EPHA6: variants seen among roughly 807,000 people sequenced by gnomAD.
The protein encoded by EPHA6 is EPH receptor A6.
EPHA6 carries 50 observed loss-of-function variants against 112.0 expected under a neutral mutation model. The ratio of observed to expected loss-of-function variants is 0.45; its 90% CI spans 0.36 to 0.56. The LOEUF is 0.56. Ranked by LOEUF, EPHA6 falls within the 20% of genes least tolerant of loss-of-function variation. The pLI, the probability that EPHA6 is intolerant of heterozygous loss-of-function variation, is 0.00. For missense variants in EPHA6, 1,280 were observed against 1,417.4 expected (o/e 0.90, Z 1.56); for synonymous variants, 529 against 490.7 (o/e 1.08, Z -1.03).
At chr3:97,593,164 A>T (rs1458011401) in intron 12 of EPHA6, among the ~76,000 whole-genome samples, 2 of 152,182 alleles carry the variant, frequency 1.3e-5, no homozygotes, top group African/African-American at 4.8e-5. Flanking sequence ...TTACAGAAAA[A>T]AAAATGATTT....
rs138452392 is a variant in EPHA6, at chr3:97,490,645, C to T, written c.2200+6586C>T. 1.2e-4 allele frequency among the ~76,000 whole-genome samples: 18 copies of T among 152,242 alleles called. No individual in the cohort carries two copies. The East Asian group carries it at 3.5e-3, about 29-fold the overall frequency. The stretch of plus-strand genomic sequence containing the variant: ...GATGTTCTTTCTTATGGCTAAGAAA[C>T]AATAGATGAGAAAGACCCACATATC... On this transcript the variant is annotated intron_variant, in intron 10 of 17. Coordinates refer to ENST00000389672, the MANE Select transcript of EPHA6 (RefSeq NM_001080448.3).
At chr3:96,984,341 A>G (rs1198299330) in intron 2 of EPHA6, among the ~76,000 whole-genome samples, 1 of 152,156 alleles carries the variant, frequency 6.6e-6, no homozygotes, top group Non-Finnish European at 1.5e-5. Flanking sequence ...TTGCCTGGGT[A>G]TCTGCAGTGG....
intron 11 of EPHA6, among the ~76,000 whole-genome samples, chr3:97,560,796 A>G (rs1425819813): frequency 6.6e-6 from 1 of 152,010 alleles, no homozygotes; most frequent in Non-Finnish European, 1.5e-5. Context: ...ACTGCTCTTC[A>G]CAGGTATTGC....
chr3:97,446,442 G>A lies in EPHA6; in HGVS notation c.1732-2126G>A, dbSNP rs141835931. On this transcript the variant is annotated intron_variant, in intron 6 of 17. Coordinates refer to ENST00000389672, the MANE Select transcript of EPHA6 (RefSeq NM_001080448.3). ...GTCCTTTATTCCCTGTAACTTTACT[G>A]AATAGGAAGTTACTATTTAGCTATG... Among the ~76,000 whole-genome samples, 622 of 152,226 alleles carry A rather than the reference G, an allele frequency of 4.1e-3. 6 individuals carry two copies. Among genetic ancestry groups the A allele is most frequent in the Middle Eastern group, 0.014 (4 of 294 alleles).
At chr3:97,095,281 A>G (rs926192412) in intron 3 of EPHA6, among the ~76,000 whole-genome samples, 3 of 152,054 alleles carry the variant, frequency 2.0e-5, no homozygotes, top group Admixed American at 2.0e-4. Flanking sequence ...GAAGGGGAAC[A>G]TCACACACTG....
At chr3:97,319,745 A>G (rs529588178) in intron 5 of EPHA6, among the ~76,000 whole-genome samples, 1 of 151,836 alleles carries the variant, frequency 6.6e-6, no homozygotes, top group East Asian at 1.9e-4. Context: ...AAAAATATAT[A>G]AAGCCTCCAT....
chr3:97,574,041 G>T (rs145377945), intron 11 of EPHA6, among the ~76,000 whole-genome samples: 13 of 152,128 alleles, frequency 8.5e-5, no homozygotes, highest in African/African-American at 2.9e-4. Flanking sequence ...CTATTAACAT[G>T]TATCTGTTAT....
intron 14 of EPHA6, among the ~76,000 whole-genome samples, chr3:97,705,714 C>T (rs2033642430): frequency 1.3e-5 from 2 of 152,146 alleles, no homozygotes; most frequent in African/African-American, 4.8e-5. Context: ...AGCCAAGAGA[C>T]ATTCAAGATA....
At chr3:97,276,580 T>C (rs2080089604) in intron 5 of EPHA6, among the ~76,000 whole-genome samples, 2 of 152,104 alleles carry the variant, frequency 1.3e-5, no homozygotes, top group South Asian at 4.1e-4. Context: ...TTTTTTCTAT[T>C]ATTGTACACC....
chr3:97,543,154 C>T (rs1322816232), intron 11 of EPHA6, among the ~76,000 whole-genome samples: 2 of 152,184 alleles, frequency 1.3e-5, no homozygotes, highest in Non-Finnish European at 2.9e-5. Flanking sequence ...GTGTTTTAGA[C>T]ATGAAGTCCT....
intron 10 of EPHA6, among the ~76,000 whole-genome samples, chr3:97,500,320 A>G (rs775588330): frequency 2.0e-5 from 3 of 152,104 alleles, no homozygotes; most frequent in Non-Finnish European, 4.4e-5. Flanking sequence ...TTGGGTTAAA[A>G]TTCGACAGGT....
At chr3:96,888,111 C>G (rs2037740227) in intron 2 of EPHA6, among the ~76,000 whole-genome samples, 1 of 152,128 alleles carries the variant, frequency 6.6e-6, no homozygotes. Context: ...GGCCAGGAAG[C>G]TTCTCACCCC....
intron 5 of EPHA6, among the ~76,000 whole-genome samples, chr3:97,275,365 G>A (rs2080035715): frequency 6.6e-6 from 1 of 152,192 alleles, no homozygotes; most frequent in Non-Finnish European, 1.5e-5. Context: ...TACAGCCCAG[G>A]TAATTTGCTG....
intron 2 of EPHA6, among the ~76,000 whole-genome samples, chr3:96,883,611 G>A (rs962594292): frequency 6.6e-6 from 1 of 152,112 alleles, no homozygotes; most frequent in Non-Finnish European, 1.5e-5. Flanking sequence ...AGATGAGGAT[G>A]TAGTTTCATT....
intron 14 of EPHA6, among the ~76,000 whole-genome samples, chr3:97,639,244 AAG>A (rs2093980353): frequency 6.6e-6 from 1 of 152,012 alleles, no homozygotes; most frequent in South Asian, 2.1e-4. Flanking sequence ...ATAAAAATAA[AAG>A]TCTATCAGTT....
chr3:96,822,847 A>G (rs1174627298), intron 1 of EPHA6, among the ~76,000 whole-genome samples: 1 of 151,394 alleles, frequency 6.6e-6, no homozygotes, highest in Non-Finnish European at 1.5e-5. Context: ...GGTAGTGTAT[A>G]GAGTATAACA....
At chr3:97,671,484 G>A (rs965701637) in intron 14 of EPHA6, among the ~76,000 whole-genome samples, 1 of 152,168 alleles carries the variant, frequency 6.6e-6, no homozygotes, top group African/African-American at 2.4e-5. Flanking sequence ...TTGTTTGGTT[G>A]CAGAGTAGCA....
intron 14 of EPHA6, among the ~76,000 whole-genome samples, chr3:97,714,397 A>G (rs2034122670): frequency 6.6e-6 from 1 of 152,202 alleles, no homozygotes; most frequent in African/African-American, 2.4e-5. Context: ...TTCTTCAAGT[A>G]AAGACAGATA....
chr3:97,700,315 C>T (rs905125143), intron 14 of EPHA6, among the ~76,000 whole-genome samples: 13 of 152,150 alleles, frequency 8.5e-5, no homozygotes, highest in East Asian at 3.9e-4. Context: ...TTAATTCCCC[C>T]GCGCTTCCAA....
Sources: gnomAD v4.1 joint callset for allele counts (sites outside exome capture counted in the v4.1 genomes callset) on GRCh38, gnomAD v4.1.1 for gene constraint, MANE v1.5 for transcripts, NCBI Gene and HGNC (gene_info 2026-07-23, HGNC 2026-07-21) for gene names.